Variants in DDX54 observed in about 807,000 individuals in gnomAD.
DDX54 encodes the protein DEAD-box helicase 54.
Under a neutral mutation model 105.5 loss-of-function variants are expected in DDX54, and 67 were observed. The ratio of observed to expected loss-of-function variants is 0.64; its 90% CI spans 0.52 to 0.78. DDX54 has a LOEUF of 0.78. Among genes scored for constraint, DDX54 ranks in the 30% least tolerant of loss-of-function variants. The pLI, the probability that DDX54 is intolerant of heterozygous loss-of-function variation, is 0.00. For synonymous variants in DDX54, 514 were observed against 509.9 expected, an observed-to-expected ratio of 1.01 and a Z score of -0.11; for missense variants, 1,206 against 1,230.5, an observed-to-expected ratio of 0.98 and a Z score of 0.30.
At position 113,164,152 on chromosome 12, in the gene DDX54, G is replaced by T; in HGVS notation, c.1853C>A (p.Pro618Gln). 6.4e-7 allele frequency: 1 copy of T among 1,554,388 alleles called. No homozygotes were observed. Among genetic ancestry groups the T allele is most frequent in the Admixed American group, 1.9e-5 (1 of 51,450 alleles). Residue 618 changes from proline to glutamine, a missense_variant, in exon 15 of 20, where the codon CCA (proline) becomes CAA (glutamine). By Grantham distance (76) the Pro-to-Gln change is moderately conservative. Transcript: ENST00000306014. ...QQGRQEQQEG[P>Q]VGPAPSRPAL... ...TGGGCGGCTCGGGGCTGGGCCCACT[G>T]GGCCCTCCTGCTGCTCCTGCCGCCC...
In DDX54 at chr12:113,163,040, C is replaced by T; in HGVS notation, c.2087G>A (p.Ser696Asn). The T allele has an allele frequency of 6.2e-7, 1 of 1,609,038 alleles. No individual in the cohort carries two copies. The highest frequency in any genetic ancestry group is 8.5e-7 in the Non-Finnish European group (1 of 1,179,010). Reference sequence around the variant, plus strand: ...AAAGGCTCCCCCTTCCCCGCTGATGCTCAGGCTGCAGAGGGAGAGTGGGAG... The same window carrying T: ...AAAGGCTCCCCCTTCCCCGCTGATGTTCAGGCTGCAGAGGGAGAGTGGGAG... ...PKDFDSERGL[S>N]ISGEGGAFEQ... The change falls in exon 17 of 20, where the codon AGC becomes AAC. Residue 696 changes from serine to asparagine, a missense_variant. Transcript: ENST00000306014. This position sits in a 1 kb window ranked among gnomAD's most constrained non-coding sequence, Gnocchi z 5.9.
chr12:113,164,830 A>G (rs1459605386), intron 14 of DDX54, among the ~76,000 whole-genome samples: 1 of 152,018 alleles, frequency 6.6e-6, no homozygotes, highest in East Asian at 1.9e-4. Context: ...CAGGGGTCTG[A>G]GAGCAGCCTA....
chr12:113,169,908 C>G lies in DDX54; in HGVS notation c.1280-4G>C. ...CGGCCAGCCCGAGCCACACGGCCTG[C>G]AGCAAGGAGACGTTCAAGCTTAATT... On this transcript the variant is annotated splice_region_variant and splice_polypyrimidine_tract_variant and intron_variant, in intron 11 of 19. Coordinates refer to ENST00000306014, the MANE Select transcript of DDX54 (RefSeq NM_024072.4). The G allele has an allele frequency of 6.2e-7, 1 of 1,613,966 alleles. No homozygotes were observed. The highest frequency in any genetic ancestry group is 8.5e-7 in the Non-Finnish European group (1 of 1,179,948).
intron 7 of DDX54, among the ~76,000 whole-genome samples, chr12:113,175,437 C>T (rs765542153): frequency 4.5e-4 from 68 of 152,156 alleles, no homozygotes; most frequent in Non-Finnish European, 7.6e-4. Flanking sequence ...CTTTGAGAGG[C>T]CAAGGCAGGA....
At chr12:113,166,918 T>C (rs1411241846) in intron 12 of DDX54, among the ~76,000 whole-genome samples, 2 of 152,130 alleles carry the variant, frequency 1.3e-5, no homozygotes, top group Non-Finnish European at 2.9e-5. Flanking sequence ...CTTATGGTAA[T>C]AAGTAACAGC....
intron 10 of DDX54, among the ~76,000 whole-genome samples, chr12:113,174,398 A>T (rs1952373576): frequency 6.6e-6 from 1 of 152,036 alleles, no homozygotes; most frequent in Non-Finnish European, 1.5e-5. Context: ...GAGGCGGGAG[A>T]ATTGTTTGAG....
rs889344579 is a variant in DDX54, at chr12:113,180,448, G to A, written c.305-443C>T. On this transcript the variant is annotated intron_variant, in intron 2 of 19. Coordinates refer to ENST00000306014, the MANE Select transcript of DDX54 (RefSeq NM_024072.4). ...GGAGCTCACTTTGTTGCCCAAGCTG[G>A]ACTTGAACTCCTGGCCTCAAGTGAT... Among the ~76,000 whole-genome samples, 9 of 152,080 alleles carry A rather than the reference G, an allele frequency of 5.9e-5. No individual in the cohort carries two copies. The East Asian group carries it at 1.7e-3, about 29-fold the overall frequency.
intron 12 of DDX54, 26 bp from the exon 13 acceptor site, chr12:113,166,058 G>C (rs1338115412): frequency 6.3e-7 from 1 of 1,582,078 alleles, no homozygotes; most frequent in Admixed American, 1.7e-5. Flanking sequence ...CACCTTGTCA[G>C]AGGTCTTTCA....
chr12:113,159,328 G>C, intron 19 of DDX54: 2 of 552,316 alleles, frequency 3.6e-6, no homozygotes, highest in Non-Finnish European at 3.1e-6. Flanking sequence ...AATCCCAGCT[G>C]TGACCTCTTG....
chr12:113,174,032 A>G (rs960038297), intron 10 of DDX54, among the ~76,000 whole-genome samples: 1 of 152,112 alleles, frequency 6.6e-6, no homozygotes. Context: ...GAAATACAAA[A>G]ATTAGACAGG....
In DDX54 at chr12:113,177,152, T is replaced by C. The variant is rs570032694; in HGVS notation, c.615-59A>G. The stretch of plus-strand genomic sequence containing the variant: ...CAGGTCTCTTTGGTTTCCCTTCCCA[T>C]AACCAAATGTCCAGGCAAGGCTGCA... On this transcript the variant is annotated intron_variant, in intron 5 of 19. Transcript: ENST00000306014. 8.8e-6 allele frequency: 14 copies of C among 1,589,088 alleles called. No individual in the cohort carries two copies. In the Admixed American group the frequency reaches 1.5e-4, roughly 17 times the overall value.
chr12:113,165,812 G>T lies in DDX54; in HGVS notation c.1635C>A (p.His545Gln). ...TGTAGAAGGACTCACTGAAGAGGGG[G>T]TGCAGGCCCAGCCCCACAAGGTCCA... The part of the protein sequence containing the change: ...KEMDLVGLGL[H>Q]PLFSSRFEEE... The change falls in exon 13 of 20, where the codon CAC (histidine) becomes CAA (glutamine). Residue 545 changes from histidine to glutamine, a missense_variant. Transcript: ENST00000306014. 6.2e-7 allele frequency: 1 copy of T among 1,604,992 alleles called. No homozygotes were observed. Among genetic ancestry groups the T allele is most frequent in the Non-Finnish European group, 8.5e-7 (1 of 1,173,792 alleles).
At position 113,161,289 on chromosome 12, in the gene DDX54, C is replaced by T; in HGVS notation, c.2394G>A (p.Gly798=). 1 of 1,613,236 alleles carries T rather than the reference C, an allele frequency of 6.2e-7. No individual in the cohort carries two copies. The highest frequency in any genetic ancestry group is 2.2e-5 in the East Asian group (1 of 44,870). ...SDRRGPERRG[G]KRDRGQGASR... The stretch of plus-strand genomic sequence containing the variant: ...TCTCACCTTGGCCACGGTCTCGCTT[C>T]CCACCTCTTCGCTCTGGGCCTCGCC... The change falls in exon 19 of 20, where the codon GGG becomes GGA. Residue 798 remains glycine, a synonymous_variant. Coordinates refer to ENST00000306014, the MANE Select transcript of DDX54 (RefSeq NM_024072.4).
chr12:113,159,724 T>C (rs1334979910), intron 19 of DDX54, among the ~76,000 whole-genome samples: 2 of 151,892 alleles, frequency 1.3e-5, no homozygotes, highest in Non-Finnish European at 2.9e-5. Context: ...TTATCTGAGA[T>C]CACACAGCAA....
Position 113,161,996 on chromosome 12 carries a change from C to G in DDX54, c.2197G>C (p.Asp733His). 1 of 1,612,732 alleles carries G rather than the reference C, an allele frequency of 6.2e-7. No individual in the cohort carries two copies. Among genetic ancestry groups the G allele is most frequent in the Non-Finnish European group, 8.5e-7 (1 of 1,179,912 alleles). Residue 733 changes from aspartate (D) to histidine (H), a missense_variant and splice_region_variant, in exon 18 of 20, where the codon GAC (aspartate) becomes CAC (histidine). By Grantham distance (81) the Asp-to-His change is moderately conservative. Around this residue, in one of 3 missense-constraint regions of DDX54, gnomAD observed 961 missense variants for 1,019.1 expected, o/e 0.94. Transcript: ENST00000306014. Reference sequence around the variant, plus strand: ...CCCACAAACCGCTTCTTCTTACGGTCCCTGCAGGAGAGGGAGTTGGGACGG... The same window carrying G: ...CCCACAAACCGCTTCTTCTTACGGTGCCTGCAGGAGAGGGAGTTGGGACGG... The part of the protein sequence containing the change: ...LTRGRQQLKW[D>H]RKKKRFVGQS...
chr12:113,177,333 C>T, intron 5 of DDX54: 1 of 512,646 alleles, frequency 2.0e-6, no homozygotes, highest in South Asian at 3.0e-5. Context: ...GGCTCAACTA[C>T]AGACCTCAAT....
At chr12:113,174,587 A>C in intron 10 of DDX54, 53 bp downstream of exon 10, 2 of 1,588,934 alleles carry the variant, frequency 1.3e-6, no homozygotes, top group Non-Finnish European at 8.6e-7. Flanking sequence ...AGGGAACTGC[A>C]GCTCCAAACT....
chr12:113,170,102 C>T (rs1952319588), intron 11 of DDX54, among the ~76,000 whole-genome samples, 198 bp from the exon 12 acceptor site: 1 of 152,194 alleles, frequency 6.6e-6, no homozygotes, highest in Non-Finnish European at 1.5e-5. Context: ...TGACACAGTG[C>T]TCTGGGAGAC....
chr12:113,184,451 T>C (rs1021240087), intron 1 of DDX54, among the ~76,000 whole-genome samples: 1 of 152,184 alleles, frequency 6.6e-6, no homozygotes, highest in Non-Finnish European at 1.5e-5. Context: ...CAGTTGCTGG[T>C]GGTGTTAGCA....
Sources: allele counts gnomAD v4.1 joint callset (sites outside exome capture counted in the v4.1 genomes callset), GRCh38; gene constraint gnomAD v4.1.1; regional missense constraint gnomAD v4.1.1; non-coding constraint Gnocchi (gnomAD v3.1); transcripts MANE v1.5; gene names NCBI Gene and HGNC (gene_info 2026-07-23, HGNC 2026-07-21).